The following ATXN1 variants were observed in gnomAD, a reference collection of about 807,000 sequenced individuals.
ATXN1 encodes the protein ataxin 1, also known as ataxin-1.
A neutral mutation model predicts 56.4 loss-of-function variants in ATXN1; 8 were observed. That is an observed-to-expected ratio of 0.14 (90% CI 0.08 to 0.26). The LOEUF (loss-of-function observed/expected upper bound fraction) is 0.26, where lower values mean the gene tolerates loss of function less well. Ranked by LOEUF, ATXN1 falls within the 10% of genes least tolerant of loss-of-function variation. ATXN1 has a pLI of 1.00. For synonymous variants in ATXN1, 514 were observed against 494.6 expected, an observed-to-expected ratio of 1.04 and a Z score of -0.52; for missense variants, 987 against 1,106.5, an observed-to-expected ratio of 0.89 and a Z score of 1.53.
intron 7 of ATXN1, among the ~76,000 whole-genome samples, chr6:16,314,607 ATTG>A (rs931086851): frequency 2.0e-5 from 3 of 151,852 alleles, no homozygotes; most frequent in African/African-American, 7.3e-5. Flanking sequence ...GCTTCAAAAT[ATTG>A]TTATTATTAT....
At chr6:16,601,446 A>G (rs1762909370) in intron 3 of ATXN1, among the ~76,000 whole-genome samples, 1 of 152,198 alleles carries the variant, frequency 6.6e-6, no homozygotes, top group South Asian at 2.1e-4. Context: ...GGTGGGGTCC[A>G]GGATTTCCAG....
chr6:16,520,562 G>A (rs1300890243), intron 5 of ATXN1, among the ~76,000 whole-genome samples: 1 of 152,072 alleles, frequency 6.6e-6, no homozygotes, highest in Non-Finnish European at 1.5e-5. Context: ...ATGTAAGCAT[G>A]GAAATGGACA....
At chr6:16,655,193 A>G (rs1278518168) in intron 3 of ATXN1, among the ~76,000 whole-genome samples, 1 of 152,220 alleles carries the variant, frequency 6.6e-6, no homozygotes, top group East Asian at 1.9e-4. Flanking sequence ...AACAAAGGAC[A>G]GTATTTCAAA....
intron 2 of ATXN1, among the ~76,000 whole-genome samples, chr6:16,711,369 C>T (rs1274724548): frequency 6.6e-6 from 1 of 151,530 alleles, no homozygotes; most frequent in African/African-American, 2.4e-5. Context: ...GTTATAAAGA[C>T]ACAAAAAGCA....
At chr6:16,546,426 G>A (rs916584293) in intron 4 of ATXN1, among the ~76,000 whole-genome samples, 1 of 152,122 alleles carries the variant, frequency 6.6e-6, no homozygotes, top group African/African-American at 2.4e-5. Context: ...GGGGCCAGGT[G>A]TGCTCTCCTT....
chr6:16,397,824 C>A (rs998772599), intron 6 of ATXN1, among the ~76,000 whole-genome samples: 1 of 152,122 alleles, frequency 6.6e-6, no homozygotes, highest in Non-Finnish European at 1.5e-5. Context: ...AGAATACTAT[C>A]TTCAAGAACA....
chr6:16,748,697 A>G (rs147464264), intron 2 of ATXN1, among the ~76,000 whole-genome samples: 1 of 152,320 alleles, frequency 6.6e-6, no homozygotes, highest in East Asian at 1.9e-4. Context: ...AAATAATTGC[A>G]GACAAGAACG....
chr6:16,325,846 C>T (rs1322270508), intron 7 of ATXN1, among the ~76,000 whole-genome samples: 3 of 152,304 alleles, frequency 2.0e-5, no homozygotes, highest in South Asian at 2.1e-4. Context: ...TAGCTCACTA[C>T]AGCCTCGAAC....
intron 5 of ATXN1, among the ~76,000 whole-genome samples, chr6:16,514,733 C>A (rs368316810): frequency 6.6e-6 from 1 of 152,008 alleles, no homozygotes; most frequent in Non-Finnish European, 1.5e-5. Flanking sequence ...ATAATATCCA[C>A]GGCACTTTGG....
intron 4 of ATXN1, among the ~76,000 whole-genome samples, chr6:16,561,993 G>A (rs1386081096): frequency 6.6e-6 from 1 of 152,146 alleles, no homozygotes; most frequent in African/African-American, 2.4e-5. Flanking sequence ...GAATAAGTAC[G>A]AAAAGGGACA....
chr6:16,366,423 G>T (rs1172187381), intron 6 of ATXN1, among the ~76,000 whole-genome samples: 2 of 151,844 alleles, frequency 1.3e-5, no homozygotes, highest in East Asian at 3.9e-4. Context: ...ATAACAAAAG[G>T]GCCTCTTGGA....
chr6:16,751,257 C>T (rs1760710760), intron 2 of ATXN1, among the ~76,000 whole-genome samples: 2 of 152,326 alleles, frequency 1.3e-5, no homozygotes, highest in Admixed American at 1.3e-4. Context: ...GCATGAGCCA[C>T]TGTGCCTGGC....
intron 3 of ATXN1, among the ~76,000 whole-genome samples, chr6:16,639,126 C>T (rs1400773427): frequency 6.6e-6 from 1 of 152,130 alleles, no homozygotes; most frequent in African/African-American, 2.4e-5. Context: ...GTAGAATGGA[C>T]CAATCAGCAG....
intron 2 of ATXN1, among the ~76,000 whole-genome samples, chr6:16,668,043 TAATA>T (rs1304770885): frequency 2.0e-5 from 3 of 152,190 alleles, no homozygotes; most frequent in Non-Finnish European, 2.9e-5. Context: ...TCGTAACTAT[TAATA>T]GATGACAGAT....
intron 6 of ATXN1, among the ~76,000 whole-genome samples, chr6:16,440,833 A>G (rs1005249977): frequency 5.3e-5 from 8 of 152,154 alleles, no homozygotes; most frequent in African/African-American, 1.7e-4. Flanking sequence ...CCCATGGACC[A>G]CATCAAGACA....
intron 3 of ATXN1, among the ~76,000 whole-genome samples, chr6:16,648,290 A>G (rs1282110312): frequency 6.6e-6 from 1 of 151,996 alleles, no homozygotes; most frequent in East Asian, 1.9e-4. Flanking sequence ...ACCCACACAT[A>G]CAGTCTGCAG....
chr6:16,381,017 C>G (rs1018030399), intron 6 of ATXN1, among the ~76,000 whole-genome samples: 3 of 152,040 alleles, frequency 2.0e-5, no homozygotes, highest in African/African-American at 7.2e-5. Context: ...GTGGGCTGGG[C>G]GCGGTGGCTC....
intron 6 of ATXN1, among the ~76,000 whole-genome samples, chr6:16,370,870 A>G (rs1254664927): frequency 6.6e-6 from 1 of 152,224 alleles, no homozygotes; most frequent in Non-Finnish European, 1.5e-5. Flanking sequence ...ATCCAAAAGC[A>G]CTTGGCAAAT....
At chr6:16,578,794 C>T (rs866940412) in intron 4 of ATXN1, among the ~76,000 whole-genome samples, 3 of 151,990 alleles carry the variant, frequency 2.0e-5, no homozygotes, top group Non-Finnish European at 4.4e-5. Flanking sequence ...TTAGATAAGC[C>T]CCCCTTTTTG....
Sources: gnomAD v4.1 joint callset for allele counts (sites outside exome capture counted in the v4.1 genomes callset) on GRCh38, gnomAD v4.1.1 for gene constraint, MANE v1.5 for transcripts, NCBI Gene and HGNC (gene_info 2026-07-23, HGNC 2026-07-21) for gene names.